Variants in CERS3 observed in about 807,000 individuals in gnomAD.
The protein encoded by CERS3 is LAG1 homolog, ceramide synthase 3.
CERS3 carries 33 observed loss-of-function variants against 50.3 expected under a neutral mutation model. That is an observed-to-expected ratio of 0.66 (90% CI 0.50 to 0.88). The LOEUF (loss-of-function observed/expected upper bound fraction) is 0.88, where lower values mean the gene tolerates loss of function less well. CERS3 is among the 40% of genes least tolerant of loss of function. The pLI, the probability that CERS3 is intolerant of heterozygous loss-of-function variation, is 0.00. For missense variants in CERS3, 470 were observed against 460.3 expected (o/e 1.02, Z -0.19); for synonymous variants, 176 against 155.2 (o/e 1.13, Z -0.99).
At chr15:100,533,167 C>T (rs2036981900), upstream of CERS3, among the ~76,000 whole-genome samples, 4 of 152,216 alleles carry the variant, frequency 2.6e-5, no homozygotes, top group African/African-American at 9.7e-5. Context: ...CAACTGCTTT[C>T]CTGCATCCAG....
intron 2 of CERS3, among the ~76,000 whole-genome samples, chr15:100,519,684 G>A (rs761002045): frequency 2.6e-5 from 4 of 152,162 alleles, no homozygotes; most frequent in Non-Finnish European, 5.9e-5. Flanking sequence ...GGTTGGGAAT[G>A]TTACTCATCT....
upstream of CERS3, chr15:100,529,033 C>A (rs935904917): frequency 6.6e-6 from 1 of 152,156 alleles, no homozygotes; most frequent in Non-Finnish European, 1.5e-5. Flanking sequence ...TGGATGGCAC[C>A]CTCAGGTTCT....
At chr15:100,418,330 A>G (rs562147773) in intron 11 of CERS3, among the ~76,000 whole-genome samples, 1 of 152,262 alleles carries the variant, frequency 6.6e-6, no homozygotes, top group Admixed American at 6.5e-5. Flanking sequence ...AAAGGGTATC[A>G]GGGATGGAAG....
upstream of CERS3, among the ~76,000 whole-genome samples, chr15:100,533,752 G>A (rs1252060502): frequency 2.0e-5 from 3 of 151,840 alleles, no homozygotes; most frequent in Non-Finnish European, 4.4e-5. Context: ...TAGAGACAGG[G>A]TTTCACCCTG....
chr15:100,505,601 A>T (rs539657422), intron 2 of CERS3, among the ~76,000 whole-genome samples: 1 of 152,266 alleles, frequency 6.6e-6, no homozygotes, highest in African/African-American at 2.4e-5. Context: ...ATACTCAAAA[A>T]TGAAAACAAA....
At chr15:100,477,439 T>C (rs2035166018) in intron 7 of CERS3, among the ~76,000 whole-genome samples, 2 of 149,812 alleles carry the variant, frequency 1.3e-5, no homozygotes, top group Non-Finnish European at 2.9e-5. Context: ...ATCCTCCTAT[T>C]AAGAACAACT....
chr15:100,519,295 C>G (rs768776850), intron 2 of CERS3, among the ~76,000 whole-genome samples: 1 of 152,126 alleles, frequency 6.6e-6, no homozygotes, highest in Non-Finnish European at 1.5e-5. Flanking sequence ...ACCACTCTGA[C>G]CCCCTTCACT....
chr15:100,514,350 A>C (rs2036434513), intron 2 of CERS3, among the ~76,000 whole-genome samples: 1 of 152,226 alleles, frequency 6.6e-6, no homozygotes, highest in Non-Finnish European at 1.5e-5. Context: ...GTTATTTAAA[A>C]ATAATATTCA....
chr15:100,413,182 T>C (rs773455706), intron 11 of CERS3, among the ~76,000 whole-genome samples: 8 of 152,212 alleles, frequency 5.3e-5, no homozygotes, highest in Non-Finnish European at 8.8e-5. Flanking sequence ...TGCCATATTT[T>C]ACATCCTTTA....
chr15:100,414,710 A>G (rs1318344171), intron 11 of CERS3, among the ~76,000 whole-genome samples: 1 of 152,140 alleles, frequency 6.6e-6, no homozygotes, highest in Non-Finnish European at 1.5e-5. Context: ...TGGTGCTGGG[A>G]AAACTGGCCA....
At chr15:100,449,523 C>A (rs757760718) in intron 11 of CERS3, among the ~76,000 whole-genome samples, 1 of 152,318 alleles carries the variant, frequency 6.6e-6, no homozygotes. Flanking sequence ...GCTGCCACCA[C>A]TGGGGCCCAA....
chr15:100,443,925 T>C (rs1019893397), intron 11 of CERS3, among the ~76,000 whole-genome samples: 4 of 152,118 alleles, frequency 2.6e-5, no homozygotes, highest in East Asian at 3.9e-4. Context: ...ACCCCAAAGA[T>C]CCTAAATCCT....
chr15:100,432,434 T>C (rs530653828), intron 11 of CERS3, among the ~76,000 whole-genome samples: 3 of 152,348 alleles, frequency 2.0e-5, no homozygotes, highest in Middle Eastern at 3.4e-3. Flanking sequence ...GAAATGTTGC[T>C]TAACAATAGT....
Position 100,483,787 on chromosome 15 carries a change from A to ATTTTTTTTTTTTT in CERS3, c.407+762_407+763insAAAAAAAAAAAAA, listed in dbSNP as rs10622678. Among the ~76,000 whole-genome samples, 22 of 100,024 alleles carry ATTTTTTTTTTTTT rather than the reference A, an allele frequency of 2.2e-4. 1 individual carries two copies. Among genetic ancestry groups the ATTTTTTTTTTTTT allele is most frequent in the South Asian group, 7.4e-4 (2 of 2,710 alleles). 65.6% of individuals were successfully genotyped at this position (100,024 alleles called of 152,430 possible). On this transcript the variant is annotated intron_variant, in intron 5 of 11. Coordinates refer to ENST00000679737, the MANE Select transcript of CERS3 (RefSeq NM_001378789.1). ...AATAATAATAATAATTATTATTATTATTTTTTTTTTTGAGACAGAGTCTTG... is the reference window on the plus strand; with the variant it reads ...AATAATAATAATAATTATTATTATTATTTTTTTTTTTTTTTTTTTTTTTTGAGACAGAGTCTTG...
chr15:100,502,701 C>T (rs1432399482), intron 2 of CERS3, among the ~76,000 whole-genome samples: 3 of 152,174 alleles, frequency 2.0e-5, no homozygotes, highest in Non-Finnish European at 1.5e-5. Context: ...GTGCTGAGCA[C>T]TGAGGATAAA....
chr15:100,508,700 C>T (rs940884459), intron 2 of CERS3, among the ~76,000 whole-genome samples: 18 of 152,164 alleles, frequency 1.2e-4, no homozygotes, highest in African/African-American at 4.3e-4. Flanking sequence ...CCAATTCTAG[C>T]AATTTCTGGC....
intron 11 of CERS3, among the ~76,000 whole-genome samples, chr15:100,434,266 G>A (rs374808134): frequency 3.9e-5 from 6 of 152,202 alleles, no homozygotes; most frequent in African/African-American, 1.2e-4. Context: ...GGATCCACGC[G>A]AAGAGTGCGT....
At chr15:100,494,464 G>A (rs1301624130) in intron 3 of CERS3, among the ~76,000 whole-genome samples, 1 of 151,598 alleles carries the variant, frequency 6.6e-6, no homozygotes, top group East Asian at 1.9e-4. Flanking sequence ...AGCCAGGATG[G>A]TCTCGATCTC....
At chr15:100,444,912 C>T (rs1030514759) in intron 11 of CERS3, among the ~76,000 whole-genome samples, 25 of 152,136 alleles carry the variant, frequency 1.6e-4, no homozygotes, top group Non-Finnish European at 2.9e-4. Context: ...AATAGCAGAC[C>T]GGCCTTTATT....
Sources: gnomAD v4.1 joint callset for allele counts (sites outside exome capture counted in the v4.1 genomes callset) on GRCh38, gnomAD v4.1.1 for gene constraint, MANE v1.5 for transcripts, NCBI Gene and HGNC (gene_info 2026-07-23, HGNC 2026-07-21) for gene names.